Variants in DHX16 observed in about 807,000 individuals in gnomAD.
DHX16 encodes the protein DEAH-box helicase 16.
A neutral mutation model predicts 131.2 loss-of-function variants in DHX16; 81 were observed. That is an observed-to-expected ratio of 0.62 (90% CI 0.52 to 0.74). The LOEUF (loss-of-function observed/expected upper bound fraction) is 0.74. Ranked by LOEUF, DHX16 falls within the 30% of genes least tolerant of loss-of-function variation. The pLI is 0.00. For missense variants in DHX16, 980 were observed against 1,363.1 expected (o/e 0.72, Z 4.43); for synonymous variants, 440 against 520.2 (o/e 0.85, Z 2.10).
In DHX16 at chr6:30,672,921, C is replaced by A; in HGVS notation, c.-80G>T. 2 of 1,577,064 alleles carry A rather than the reference C, an allele frequency of 1.3e-6. No individual in the cohort carries two copies. Among genetic ancestry groups the A allele is most frequent in the Non-Finnish European group, 1.7e-6 (2 of 1,161,638 alleles). The stretch of plus-strand genomic sequence containing the variant: ...GCTGGGCCGGTCAGAGGCCTGGAGC[C>A]CTCGGCTGGAGCCTCAGCTTCGCAA... On this transcript the variant is annotated 5_prime_UTR_variant, in exon 1 of 20. Transcript: ENST00000376442.
intron 9 of DHX16, among the ~76,000 whole-genome samples, chr6:30,661,338 C>T (rs949433407): frequency 6.6e-6 from 1 of 152,202 alleles, no homozygotes; most frequent in Non-Finnish European, 1.5e-5. Context: ...CTGCCTCTGC[C>T]TCCCAAAGTG....
Position 30,671,203 on chromosome 6 carries a change from C to T in DHX16, c.279G>A (p.Lys93=). 2 of 1,613,040 alleles carry T rather than the reference C, an allele frequency of 1.2e-6. No homozygotes were observed. The highest frequency in any genetic ancestry group is 1.7e-6 in the Non-Finnish European group (2 of 1,180,026). The part of the protein sequence containing the change: ...AEREARALLE[K]NRSYRLLEDS... Reference sequence around the variant, plus strand: ...CTTCCAGTAACCTATAAGATCGGTTCTTCTCCAGCAGGGCCCGGGCCTCTC... The same window carrying T: ...CTTCCAGTAACCTATAAGATCGGTTTTTCTCCAGCAGGGCCCGGGCCTCTC... Residue 93 remains lysine, a synonymous_variant, in exon 2 of 20, where the codon AAG becomes AAA. Coordinates refer to ENST00000376442, the MANE Select transcript of DHX16 (RefSeq NM_003587.5).
Position 30,672,562 on chromosome 6 carries a change from TA to T in DHX16, c.207+72del, listed in dbSNP as rs950935729. 8 of 1,373,102 alleles carry T rather than the reference TA, an allele frequency of 5.8e-6. No individual in the cohort carries two copies. The Admixed American group carries it at 9.5e-5, about 16-fold the overall frequency. 85.1% of individuals were successfully genotyped at this position (1,373,102 alleles called of 1,614,324 possible). On this transcript the variant is annotated intron_variant, in intron 1 of 19. Coordinates refer to ENST00000376442, the MANE Select transcript of DHX16 (RefSeq NM_003587.5). ...TAAGTGCTTGTGAACTGAGCTTTCT[TA>T]ACTTCTCGATGGACCGTTAGGCCAG...
chr6:30,660,984 G>A (rs1429694032), intron 9 of DHX16, among the ~76,000 whole-genome samples: 6 of 151,514 alleles, frequency 4.0e-5, no homozygotes, highest in African/African-American at 1.5e-4. Context: ...TGCAAGCTCC[G>A]CCTCCTGGGT....
In DHX16 at chr6:30,664,821, G is replaced by C; in HGVS notation, c.1297C>G (p.Pro433Ala). The C allele has an allele frequency of 6.2e-7, 1 of 1,612,968 alleles. No homozygotes were observed. Among genetic ancestry groups the C allele is most frequent in the Non-Finnish European group, 8.5e-7 (1 of 1,179,914 alleles). ...ETGSGKTTQI[P>A]QYLFEEGYTN... The stretch of plus-strand genomic sequence containing the variant: ...TGTACCTCCTCAAAGAGATACTGCG[G>C]GATCTGGGTGGTCTTCCCTGAGCCT... The change falls in exon 7 of 20, where the codon CCG (proline) becomes GCG (alanine). Residue 433 changes from proline to alanine, a missense_variant. Physicochemically the swap from Pro to Ala is conservative, Grantham distance 27. This residue lies in a region of DHX16 where 309 missense variants were observed against 537.1 expected (regional missense o/e 0.58). Transcript: ENST00000376442.
chr6:30,660,983 C>T (rs1406754795), intron 9 of DHX16, among the ~76,000 whole-genome samples: 2 of 151,830 alleles, frequency 1.3e-5, no homozygotes, highest in African/African-American at 4.8e-5. Flanking sequence ...CTGCAAGCTC[C>T]GCCTCCTGGG....
intron 12 of DHX16, among the ~76,000 whole-genome samples, chr6:30,657,505 T>A (rs918370524): frequency 6.6e-6 from 1 of 151,846 alleles, no homozygotes; most frequent in African/African-American, 2.4e-5. Context: ...AATACAAACC[T>A]GTCACATCAC....
rs1359624429 is a variant in DHX16, at chr6:30,655,590, A to T, written c.2506T>A (p.Cys836Ser). The change falls in exon 17 of 20, where the codon TGT becomes AGT. Residue 836 changes from cysteine to serine, a missense_variant. Around this residue, in one of 3 missense-constraint regions of DHX16, gnomAD observed 214 missense variants for 271.2 expected, o/e 0.79. Coordinates refer to ENST00000376442, the MANE Select transcript of DHX16 (RefSeq NM_003587.5). ...KMILASEKYS[C>S]SEEILTVAAM... ...GCCACTGTCAGGATCTCCTCTGAAC[A>T]GCTGTACCTGGGACAGGAAGGGGAA... 25 of 1,613,012 alleles carry T rather than the reference A, an allele frequency of 1.5e-5. No homozygotes were observed. The highest frequency in any genetic ancestry group is 1.9e-5 in the Non-Finnish European group (23 of 1,180,044).
chr6:30,655,227 C>T lies in DHX16; in HGVS notation c.2771G>A (p.Arg924His), dbSNP rs778406014. The T allele has an allele frequency of 2.5e-6, 4 of 1,614,076 alleles. No individual in the cohort carries two copies. Among genetic ancestry groups the T allele is most frequent in the East Asian group, 4.5e-5 (2 of 44,902 alleles). ...GCAGGAACTGAGACCAACTTCCACA[C>T]GTTCCAAGAGCCCTTCCAGCTGTTC... is the stretch of plus-strand genomic sequence containing the variant. ...VREQLEGLLE[R>H]VEVGLSSCQG... The change falls in exon 18 of 20, where the codon CGT (arginine) becomes CAT (histidine). Residue 924 changes from arginine (R) to histidine (H), a missense_variant. By Grantham distance (29) the Arg-to-His change is conservative. Coordinates refer to ENST00000376442, the MANE Select transcript of DHX16 (RefSeq NM_003587.5).
At chr6:30,654,224 A>G (rs936500320) in intron 19 of DHX16, among the ~76,000 whole-genome samples, 5 of 152,192 alleles carry the variant, frequency 3.3e-5, no homozygotes, top group African/African-American at 1.2e-4. Context: ...TATTTATTGA[A>G]TAAGTGTCTA....
chr6:30,665,224 C>G lies in DHX16; in HGVS notation c.972G>C (p.Glu324Asp). Residue 324 changes from glutamate (E) to aspartate (D), a missense_variant, in exon 6 of 20, where the codon GAG becomes GAC. Physicochemically the swap from Glu to Asp is conservative, Grantham distance 45 (BLOSUM62 2). Transcript: ENST00000376442. The surrounding 1 kb of genome is among the most constrained non-coding windows in gnomAD (Gnocchi z 4.8). ...LVEEESGAPG[E>D]EQRRWEEARL... ...GCGCCTCCTCCCAGCGCCGCTGCTC[C>G]TCCCCAGGGGCTCCTGATTCCTCCT... The G allele has an allele frequency of 6.2e-6, 10 of 1,606,684 alleles. No individual in the cohort carries two copies. The highest frequency in any genetic ancestry group is 8.5e-6 in the Non-Finnish European group (10 of 1,179,826).
At chr6:30,660,815 G>A (rs1230452848) in intron 9 of DHX16, among the ~76,000 whole-genome samples, 1 of 151,950 alleles carries the variant, frequency 6.6e-6, no homozygotes, top group Non-Finnish European at 1.5e-5. Flanking sequence ...CTGGGAGGCA[G>A]AGGTTGCAGT....
chr6:30,654,691 G>A lies in DHX16; in HGVS notation c.2997+15C>T. 2 of 1,606,296 alleles carry A rather than the reference G, an allele frequency of 1.2e-6. No homozygotes were observed. Among genetic ancestry groups the A allele is most frequent in the Non-Finnish European group, 1.7e-6 (2 of 1,176,362 alleles). On this transcript the variant is annotated intron_variant, in intron 19 of 19. Coordinates refer to ENST00000376442, the MANE Select transcript of DHX16 (RefSeq NM_003587.5). Reference sequence around the variant, plus strand: ...CATAGTCTCCACCTGCGTGGGCACAGGATGTTCTCCTCACCTGTCTCATGA... The same window carrying A: ...CATAGTCTCCACCTGCGTGGGCACAAGATGTTCTCCTCACCTGTCTCATGA...
intron 1 of DHX16, 66 bp from the exon 2 acceptor site, chr6:30,671,340 TGTTCCTAATTTAAGC>T (rs1769532304): frequency 6.9e-7 from 1 of 1,449,578 alleles, no homozygotes; most frequent in African/African-American, 1.4e-5. Context: ...CACTTAGCTC[TGTTCCTAATTTAAGC>T]AATTACTTAG....
rs1266127705 is a variant in DHX16, at chr6:30,672,934, C to T, written c.-93G>A. On this transcript the variant is annotated 5_prime_UTR_variant, in exon 1 of 20. Transcript: ENST00000376442. ...GAGGCCTGGAGCCCTCGGCTGGAGC[C>T]TCAGCTTCGCAAGTCAGCTACCTTG... 3 of 1,564,638 alleles carry T rather than the reference C, an allele frequency of 1.9e-6. No homozygotes were observed. The African/African-American group carries it at 4.1e-5, about 21-fold the overall frequency.
rs750134942 is a variant in DHX16, at chr6:30,670,804, G to A, written c.595C>T (p.Arg199Trp). Residue 199 changes from arginine (R) to tryptophan (W), a missense_variant, in exon 3 of 20, where the codon CGG becomes TGG. Arg to Trp is a moderately radical substitution (Grantham distance 101). Coordinates refer to ENST00000376442, the MANE Select transcript of DHX16 (RefSeq NM_003587.5). This position sits in a 1 kb window ranked among gnomAD's most constrained non-coding sequence, Gnocchi z 4.4. ...DKDRTRNVLE[R>W]SDKKAYEEAQ... ...CTCCTATTCACCTTCTTGTCTGACCGTTCCAGGACATTTCGAGTCCGATCC... is the reference window on the plus strand; with the variant it reads ...CTCCTATTCACCTTCTTGTCTGACCATTCCAGGACATTTCGAGTCCGATCC... 119 of 1,612,792 alleles carry A rather than the reference G, an allele frequency of 7.4e-5. No homozygotes were observed. The highest frequency in any genetic ancestry group is 6.0e-5 in the Non-Finnish European group (71 of 1,180,044).
chr6:30,665,725 C>T lies in DHX16; in HGVS notation c.675G>A (p.Glu225=). ...ACTCTCGGCGAGATTTCTTCCGCAG[C>T]TCAGGGACCTGAGTTGGGAAAGGAC... ...AEEDRKAMVP[E]LRKKSRREYL... Residue 225 remains glutamate, a synonymous_variant, in exon 5 of 20, where the codon GAG becomes GAA. Transcript: ENST00000376442. This position sits in a 1 kb window ranked among gnomAD's most constrained non-coding sequence, Gnocchi z 4.8. 4 of 1,609,238 alleles carry T rather than the reference C, an allele frequency of 2.5e-6. No homozygotes were observed. Among genetic ancestry groups the T allele is most frequent in the Non-Finnish European group, 1.7e-6 (2 of 1,179,910 alleles).
intron 9 of DHX16, among the ~76,000 whole-genome samples, chr6:30,660,797 G>A (rs574849248): frequency 1.9e-4 from 29 of 151,974 alleles, no homozygotes; most frequent in Non-Finnish European, 3.8e-4. Flanking sequence ...CAGGAGAATC[G>A]CTTGAACCTG....
intron 9 of DHX16, among the ~76,000 whole-genome samples, chr6:30,660,901 G>A (rs560309446): frequency 6.6e-6 from 1 of 151,708 alleles, no homozygotes; most frequent in East Asian, 2.0e-4. Context: ...AAAAGAAAAA[G>A]TGGAAGGATT....
Sources: gnomAD v4.1 joint callset for allele counts (sites outside exome capture counted in the v4.1 genomes callset) on GRCh38, gnomAD v4.1.1 for gene constraint, gnomAD v4.1.1 regional missense constraint, Gnocchi (gnomAD v3.1) non-coding constraint, MANE v1.5 for transcripts, NCBI Gene and HGNC (gene_info 2026-07-23, HGNC 2026-07-21) for gene names.